Variants in SPEN observed in about 807,000 individuals in gnomAD.
SPEN encodes msx2-interacting protein.
Under a neutral mutation model 269.9 loss-of-function variants are expected in SPEN, and 18 were observed. The observed-to-expected ratio is 0.07, with a 90% CI of 0.05 to 0.10. The LOEUF is 0.10. Ranked by LOEUF, SPEN falls within the 10% of genes least tolerant of loss-of-function variation. SPEN has a pLI of 1.00. For missense variants in SPEN, 3,822 were observed against 4,631.2 expected, an observed-to-expected ratio of 0.83 and a Z score of 5.07; for synonymous variants, 1,726 against 1,765.7, an observed-to-expected ratio of 0.98 and a Z score of 0.56.
intron 1 of SPEN, among the ~76,000 whole-genome samples, chr1:15,865,747 G>A (rs977493159): frequency 5.3e-5 from 8 of 151,930 alleles, no homozygotes; most frequent in Non-Finnish European, 1.0e-4. Flanking sequence ...TTTTTTGTTG[G>A]GGCGTCTCTT....
At chr1:15,910,146 A>AT (rs2070999188) in intron 4 of SPEN, among the ~76,000 whole-genome samples, 1 of 151,052 alleles carries the variant, frequency 6.6e-6, no homozygotes, top group Non-Finnish European at 1.5e-5. Flanking sequence ...AAAAAAAAAA[A>AT]AAAAATTATT....
At chr1:15,865,654 C>A (rs1177010489) in intron 1 of SPEN, among the ~76,000 whole-genome samples, 1 of 151,800 alleles carries the variant, frequency 6.6e-6, no homozygotes, top group African/African-American at 2.4e-5. Flanking sequence ...TCAAACTCCT[C>A]ACCTCAGGTG....
rs778508148 is a variant in SPEN, at chr1:15,934,452, G to A, written c.8212G>A (p.Ala2738Thr). 1 of 1,614,018 alleles carries A rather than the reference G, an allele frequency of 6.2e-7. No homozygotes were observed. The highest frequency in any genetic ancestry group is 8.5e-7 in the Non-Finnish European group (1 of 1,180,050). ...AASAVNATAS[A>T]VTVTAGAVTA... ...GAGTGCAGTGAATGCCACAGCAAGT[G>A]CAGTGACCGTCACAGCGGGTGCGGT... Residue 2738 changes from alanine (A) to threonine (T), a missense_variant, in exon 11 of 15, where the codon GCA (alanine) becomes ACA (threonine). By Grantham distance (58) the Ala-to-Thr change is moderately conservative. This residue lies in a region of SPEN where 329 missense variants were observed against 431.2 expected (regional missense o/e 0.76). Coordinates refer to ENST00000375759, the MANE Select transcript of SPEN (RefSeq NM_015001.3). This position sits in a 1 kb window ranked among gnomAD's most constrained non-coding sequence, Gnocchi z 9.2.
chr1:15,897,552 A>G (rs1023585204), intron 3 of SPEN, among the ~76,000 whole-genome samples: 39 of 151,804 alleles, frequency 2.6e-4, no homozygotes, highest in African/African-American at 9.2e-4. Context: ...GTAGAGGCGG[A>G]GTTTCTCCAA....
chr1:15,927,157 A>T (rs2071175430), intron 10 of SPEN, among the ~76,000 whole-genome samples: 1 of 152,184 alleles, frequency 6.6e-6, no homozygotes, highest in Non-Finnish European at 1.5e-5. Flanking sequence ...TCTTGTGTGT[A>T]AATTTAATCC....
In SPEN at chr1:15,932,316, A is replaced by G; in HGVS notation, c.6076A>G (p.Ser2026Gly). The G allele has an allele frequency of 6.2e-7, 1 of 1,610,794 alleles. No individual in the cohort carries two copies. The highest frequency in any genetic ancestry group is 1.7e-5 in the Admixed American group (1 of 59,160). Residue 2026 changes from serine (S) to glycine (G), a missense_variant, in exon 11 of 15, where the codon AGC becomes GGC. Around this residue, in one of 16 missense-constraint regions of SPEN, gnomAD observed 727 missense variants for 737.9 expected, o/e 0.99. Transcript: ENST00000375759. This position sits in a 1 kb window ranked among gnomAD's most constrained non-coding sequence, Gnocchi z 4.2. ...GGGCCCCCAAATAGGCGTGAAAGAGAGCTCCATGGAACCCAAGGCTGCTGA... is the reference window on the plus strand; with the variant it reads ...GGGCCCCCAAATAGGCGTGAAAGAGGGCTCCATGGAACCCAAGGCTGCTGA... ...EVGPQIGVKE[S>G]SMEPKAAEEE...
intron 8 of SPEN, among the ~76,000 whole-genome samples, chr1:15,920,174 A>G (rs2071105183): frequency 6.6e-6 from 1 of 151,966 alleles, no homozygotes; most frequent in Non-Finnish European, 1.5e-5. Context: ...GGTTCAAGCG[A>G]TTCTCTAGCC....
chr1:15,929,518 G>A lies in SPEN; in HGVS notation c.3278G>A (p.Gly1093Asp), dbSNP rs1393222444. 2 of 1,613,606 alleles carry A rather than the reference G, an allele frequency of 1.2e-6. No homozygotes were observed. The highest frequency in any genetic ancestry group is 2.7e-5 in the African/African-American group (2 of 74,848). ...CAAGCAAGACTGGGAGAACTAGCAG[G>A]TGAATCTGTGGAAAATCAAGAAGTC... ...DLQARLGELA[G>D]ESVENQEVQS... The change falls in exon 11 of 15, where the codon GGT (glycine) becomes GAT (aspartate). Residue 1093 changes from glycine (G) to aspartate (D), a missense_variant. By Grantham distance (94) the Gly-to-Asp change is moderately conservative. This residue lies in a region of SPEN where 572 missense variants were observed against 582.6 expected (regional missense o/e 0.98). Transcript: ENST00000375759. This position sits in a 1 kb window ranked among gnomAD's most constrained non-coding sequence, Gnocchi z 5.8.
Position 15,938,805 on chromosome 1 carries a change from G to A in SPEN, c.10792G>A (p.Ala3598Thr). ...GAGCCAGACCGAGTCCCTCAAGGCT[G>A]CCTTCATCACTTACCTGCAGGCCAA... ...VVSQTESLKA[A>T]FITYLQAKQA... Residue 3598 changes from alanine to threonine, a missense_variant, in exon 14 of 15, where the codon GCC (alanine) becomes ACC (threonine). By Grantham distance (58) the Ala-to-Thr change is moderately conservative. Coordinates refer to ENST00000375759, the MANE Select transcript of SPEN (RefSeq NM_015001.3). 6.2e-7 allele frequency: 1 copy of A among 1,614,072 alleles called. No homozygotes were observed. Among genetic ancestry groups the A allele is most frequent in the South Asian group, 1.1e-5 (1 of 91,084 alleles).
At chr1:15,876,126 G>A in intron 2 of SPEN, 76 bp from the exon 3 acceptor site, 1 of 1,130,894 alleles carries the variant, frequency 8.8e-7, no homozygotes, top group East Asian at 2.4e-5. Flanking sequence ...CAATGCTGAA[G>A]TGAATGTTTG....
rs755138736 is a variant in SPEN, at chr1:15,933,427, A to G, written c.7187A>G (p.Gln2396Arg). ...GAGAAACCCCATTCCACTCCTCCTC[A>G]GTCATGTACTTCTGACCTAAGCAAG... ...QSEKPHSTPPQSCTSDLSKIP... is the reference protein window; with the variant it reads ...QSEKPHSTPPRSCTSDLSKIP... Residue 2396 changes from glutamine (Q) to arginine (R), a missense_variant, in exon 11 of 15, where the codon CAG becomes CGG. Physicochemically the swap from Gln to Arg is conservative, Grantham distance 43. Around this residue, in one of 16 missense-constraint regions of SPEN, gnomAD observed 727 missense variants for 737.9 expected, o/e 0.99. Transcript: ENST00000375759. The surrounding 1 kb of genome is among the most constrained non-coding windows in gnomAD (Gnocchi z 5.7). 2 of 1,614,124 alleles carry G rather than the reference A, an allele frequency of 1.2e-6. No individual in the cohort carries two copies. Among genetic ancestry groups the G allele is most frequent in the African/African-American group, 1.3e-5 (1 of 75,004 alleles).
chr1:15,888,253 A>AT (rs1441523905), intron 3 of SPEN, among the ~76,000 whole-genome samples: 3 of 151,456 alleles, frequency 2.0e-5, no homozygotes, highest in Non-Finnish European at 4.4e-5. Context: ...AAATTTAAAA[A>AT]TAAAAACTGC....
At chr1:15,876,757 A>T (rs1375164384) in intron 3 of SPEN, 79 bp downstream of exon 3, 1 of 1,071,920 alleles carries the variant, frequency 9.3e-7, no homozygotes, top group Admixed American at 2.2e-5. Context: ...TGGTTTCAGC[A>T]TAGTATTATT....
At chr1:15,876,849 C>A in intron 3 of SPEN, 171 bp downstream of exon 3, 1 of 609,944 alleles carries the variant, frequency 1.6e-6, no homozygotes, top group Non-Finnish European at 2.9e-6. Flanking sequence ...GTTCTAAGTA[C>A]TCGAAGTTAA....
At chr1:15,888,679 C>T (rs2148717604) in intron 3 of SPEN, among the ~76,000 whole-genome samples, 1 of 151,276 alleles carries the variant, frequency 6.6e-6, no homozygotes, top group Admixed American at 6.6e-5. Flanking sequence ...GCTGCCCAGG[C>T]TGGAGTACAA....
At chr1:15,899,919 C>T (rs545922960) in intron 3 of SPEN, among the ~76,000 whole-genome samples, 1 of 152,106 alleles carries the variant, frequency 6.6e-6, no homozygotes, top group South Asian at 2.1e-4. Context: ...TATCTCGGCT[C>T]ACTGCAACCT....
chr1:15,894,533 G>GTTTTT lies in SPEN; in HGVS notation c.882-14786_882-14785insTTTTT, dbSNP rs35841965. Among the ~76,000 whole-genome samples, 286 of 135,970 alleles carry GTTTTT rather than the reference G, an allele frequency of 2.1e-3. 11 individuals are homozygous for GTTTTT. The highest frequency in any genetic ancestry group is 7.8e-3 in the African/African-American group (262 of 33,650). 89.2% of individuals were successfully genotyped at this position (135,970 alleles called of 152,430 possible). ...TAGATCCTAAAACTACCATATTATGGTTGTTTTTTTTTTTTTTTTTTTTTT... is the reference window on the plus strand; with the variant it reads ...TAGATCCTAAAACTACCATATTATGGTTTTTTTGTTTTTTTTTTTTTTTTTTTTTT... On this transcript the variant is annotated intron_variant, in intron 3 of 14. Coordinates refer to ENST00000375759, the MANE Select transcript of SPEN (RefSeq NM_015001.3).
chr1:15,916,827 T>G (rs2071071314), intron 6 of SPEN, among the ~76,000 whole-genome samples: 1 of 152,152 alleles, frequency 6.6e-6, no homozygotes, highest in Non-Finnish European at 1.5e-5. Flanking sequence ...GAAAAATGTT[T>G]GTAAAAATGA....
chr1:15,899,544 T>G (rs1044195889), intron 3 of SPEN, among the ~76,000 whole-genome samples: 20 of 147,742 alleles, frequency 1.4e-4, no homozygotes, highest in South Asian at 1.3e-3. Flanking sequence ...AGAGTTTTTT[T>G]TTTTTTTTTT....
Sources: allele counts gnomAD v4.1 joint callset (sites outside exome capture counted in the v4.1 genomes callset), GRCh38; gene constraint gnomAD v4.1.1; regional missense constraint gnomAD v4.1.1; non-coding constraint Gnocchi (gnomAD v3.1); transcripts MANE v1.5; gene names NCBI Gene and HGNC (gene_info 2026-07-23, HGNC 2026-07-21).